Variants in DRAM1 observed in about 807,000 individuals in gnomAD.
DRAM1 encodes the protein DNA damage-regulated autophagy modulator protein 1.
In DRAM1, 25 loss-of-function variants were observed where a neutral mutation model predicts 28.5. The observed-to-expected ratio is 0.88, with a 90% CI of 0.64 to 1.23. DRAM1 has a LOEUF of 1.23. Ranked by LOEUF, DRAM1 falls within the 50% of genes most tolerant of loss-of-function variation. DRAM1 has a pLI of 0.00. For missense variants in DRAM1, 249 were observed against 299.2 expected (o/e 0.83, Z 1.24); for synonymous variants, 113 against 114.2 (o/e 0.99, Z 0.07).
chr12:101,884,986 T>G (rs1594291097), intron 1 of DRAM1, among the ~76,000 whole-genome samples: 1 of 149,076 alleles, frequency 6.7e-6, no homozygotes, highest in African/African-American at 2.5e-5. Flanking sequence ...CAGGCTGGAG[T>G]GCAATGGCGC....
Position 101,920,116 on chromosome 12 carries a change from T to TA in DRAM1, c.588dup (p.Tyr197IlefsTer9). 6.2e-7 allele frequency: 1 copy of TA among 1,601,158 alleles called. No homozygotes were observed. ...TCTTTATTATTGCATTAGGATTATG[T>TA]ATATCACGTAGTGAGTGCGATCTGT... On this transcript the variant is annotated frameshift_variant, in exon 6 of 7. Transcript: ENST00000258534. LOFTEE classifies it high-confidence loss of function.
chr12:101,904,183 C>T (rs750820334), intron 3 of DRAM1, among the ~76,000 whole-genome samples: 3 of 151,648 alleles, frequency 2.0e-5, no homozygotes, highest in Admixed American at 6.6e-5. Flanking sequence ...GTAGAGATGG[C>T]GTTTCGCCAT....
intron 1 of DRAM1, among the ~76,000 whole-genome samples, chr12:101,882,487 A>G (rs1872725232): frequency 6.6e-6 from 1 of 151,342 alleles, no homozygotes; most frequent in Admixed American, 6.6e-5. Flanking sequence ...TCTCCCCAGT[A>G]TGGCATTTAG....
intron 1 of DRAM1, among the ~76,000 whole-genome samples, chr12:101,896,262 A>T (rs1309880149): frequency 1.3e-5 from 2 of 152,228 alleles, no homozygotes; most frequent in African/African-American, 4.8e-5. Flanking sequence ...TTCTGCACAC[A>T]CAGGCTCCTT....
chr12:101,920,279 T>A (rs1326985433), intron 6 of DRAM1, 78 bp downstream of exon 6: 3 of 986,446 alleles, frequency 3.0e-6, no homozygotes, highest in Non-Finnish European at 4.5e-6. Context: ...CATTTTGCAT[T>A]TTTAAAAAGA....
intron 6 of DRAM1, among the ~76,000 whole-genome samples, chr12:101,920,952 G>C (rs1040100900): frequency 3.3e-5 from 5 of 152,222 alleles, no homozygotes; most frequent in African/African-American, 1.2e-4. Context: ...ATAAAAGTGT[G>C]TTGTTCAAAA....
intron 1 of DRAM1, among the ~76,000 whole-genome samples, chr12:101,882,978 C>T (rs1016101519): frequency 1.1e-4 from 17 of 150,600 alleles, no homozygotes; most frequent in African/African-American, 3.9e-4. Context: ...AGAGAATTGC[C>T]TAAATAAATA....
chr12:101,891,441 GTCT>G (rs1437199095), intron 1 of DRAM1, among the ~76,000 whole-genome samples: 1 of 152,184 alleles, frequency 6.6e-6, no homozygotes, highest in African/African-American at 2.4e-5. Flanking sequence ...GCTTCAGAAA[GTCT>G]TCTATTATCC....
intron 1 of DRAM1, among the ~76,000 whole-genome samples, chr12:101,887,553 C>T (rs1477708625): frequency 1.2e-4 from 17 of 146,436 alleles, no homozygotes; most frequent in Admixed American, 6.9e-4. Context: ...TTTTTTGAGA[C>T]GAAGTCTCAC....
intron 1 of DRAM1, among the ~76,000 whole-genome samples, chr12:101,880,621 T>C (rs1872658594): frequency 6.6e-6 from 1 of 152,120 alleles, no homozygotes; most frequent in African/African-American, 2.4e-5. Flanking sequence ...ACAGTAGTCA[T>C]GTTTGTCCCA....
intron 1 of DRAM1, among the ~76,000 whole-genome samples, chr12:101,893,227 A>T (rs7963306): frequency 0.28 from 42,074 of 152,152 alleles, 6,352 homozygotes; most frequent in East Asian, 0.38. Context: ...TGCTGGAGCT[A>T]GCTGGTGTCT....
chr12:101,901,461 A>T (rs748674772), intron 3 of DRAM1, 28 bp downstream of exon 3: 3 of 1,612,048 alleles, frequency 1.9e-6, no homozygotes, highest in Non-Finnish European at 2.5e-6. Flanking sequence ...TTCAGTTATG[A>T]GGAGTGGTGG....
At chr12:101,904,487 G>A (rs1412758369) in intron 3 of DRAM1, among the ~76,000 whole-genome samples, 2 of 118,764 alleles carry the variant, frequency 1.7e-5, no homozygotes, top group African/African-American at 6.7e-5. Context: ...TGTCACCCAG[G>A]CTGGAGTGCA....
intron 1 of DRAM1, among the ~76,000 whole-genome samples, chr12:101,896,313 G>A (rs145077027): frequency 1.1e-4 from 17 of 152,334 alleles, no homozygotes; most frequent in African/African-American, 3.8e-4. Context: ...CATTTTCAAC[G>A]TGATCGGTTT....
At chr12:101,886,699 T>C (rs555169666) in intron 1 of DRAM1, among the ~76,000 whole-genome samples, 1 of 152,330 alleles carries the variant, frequency 6.6e-6, no homozygotes, top group African/African-American at 2.4e-5. Context: ...CTCTTACCCA[T>C]GTCTTTGTAT....
Position 101,901,312 on chromosome 12 carries a change from G to A in DRAM1, c.221G>A (p.Arg74Lys). Reference protein sequence around the residue: ...AFLGAATMYTRYKIVQKQNQT... With the variant: ...AFLGAATMYTKYKIVQKQNQT... ...TCAGGTGCAGCCACGATGTATACAA[G>A]ATACAAAATAGTACAGAAGCAAAAT... The change falls in exon 3 of 7, where the codon AGA becomes AAA. Residue 74 changes from arginine to lysine, a missense_variant. Coordinates refer to ENST00000258534, the MANE Select transcript of DRAM1 (RefSeq NM_018370.3). The A allele has an allele frequency of 6.2e-7, 1 of 1,614,084 alleles. No individual in the cohort carries two copies. The highest frequency in any genetic ancestry group is 8.5e-7 in the Non-Finnish European group (1 of 1,179,988).
At chr12:101,880,377 T>G (rs1872652898) in intron 1 of DRAM1, among the ~76,000 whole-genome samples, 2 of 136,348 alleles carry the variant, frequency 1.5e-5, no homozygotes, top group Non-Finnish European at 3.1e-5. Context: ...AACCTCCACC[T>G]CCTGGTTCAA....
At chr12:101,907,757 A>G (rs1224290692) in intron 3 of DRAM1, among the ~76,000 whole-genome samples, 1 of 152,156 alleles carries the variant, frequency 6.6e-6, no homozygotes, top group Non-Finnish European at 1.5e-5. Flanking sequence ...ACAACAACAA[A>G]AAAAGAAAAT....
chr12:101,887,952 A>G (rs990657094), intron 1 of DRAM1, among the ~76,000 whole-genome samples: 3 of 152,302 alleles, frequency 2.0e-5, no homozygotes, highest in Middle Eastern at 3.4e-3. Context: ...GAGTACCAGG[A>G]TAAAAAATAC....
Sources: gnomAD v4.1 joint callset for allele counts (sites outside exome capture counted in the v4.1 genomes callset) on GRCh38, gnomAD v4.1.1 for gene constraint, MANE v1.5 for transcripts, NCBI Gene and HGNC (gene_info 2026-07-23, HGNC 2026-07-21) for gene names.